Variants in MYBL2 observed in about 807,000 individuals in gnomAD.
The protein encoded by MYBL2 is myb-related protein B.
MYBL2 carries 28 observed loss-of-function variants against 79.9 expected under a neutral mutation model. The ratio of observed to expected loss-of-function variants is 0.35; its 90% CI spans 0.26 to 0.48. MYBL2 has a LOEUF of 0.48. Among genes scored for constraint, MYBL2 ranks in the 20% least tolerant of loss-of-function variants. The pLI is 0.99. For missense variants in MYBL2, 735 were observed against 893.9 expected, an observed-to-expected ratio of 0.82 and a Z score of 2.27; for synonymous variants, 378 against 361.2, an observed-to-expected ratio of 1.05 and a Z score of -0.53.
chr20:43,713,334 A>G (rs546698611), intron 12 of MYBL2, among the ~76,000 whole-genome samples: 48 of 151,166 alleles, frequency 3.2e-4, no homozygotes, highest in Middle Eastern at 3.5e-3. Flanking sequence ...TTTTAAAAAC[A>G]TGCATCTGGG....
At position 43,699,978 on chromosome 20, in the gene MYBL2, G is replaced by A; in HGVS notation, c.885G>A (p.Glu295=). ...ETSLPYKWVV[E]AANLLIPAVG... ...GCCTGCCTTACAAGTGGGTGGTGGA[G>A]GCAGCTAACCTCCTCATCCCTGCTG... is the stretch of plus-strand genomic sequence containing the variant. The change falls in exon 7 of 14, where the codon GAG becomes GAA. Residue 295 remains glutamate (E), a synonymous_variant. Transcript: ENST00000217026. The A allele has an allele frequency of 6.2e-7, 1 of 1,614,164 alleles. No individual in the cohort carries two copies. Among genetic ancestry groups the A allele is most frequent in the Non-Finnish European group, 8.5e-7 (1 of 1,180,036 alleles).
At chr20:43,705,994 C>A (rs1423339665) in intron 9 of MYBL2, among the ~76,000 whole-genome samples, 4 of 152,132 alleles carry the variant, frequency 2.6e-5, no homozygotes, top group Non-Finnish European at 4.4e-5. Context: ...GCCACCACAC[C>A]CGGCTAAAAT....
intron 11 of MYBL2, among the ~76,000 whole-genome samples, chr20:43,712,773 C>G (rs927777933): frequency 5.9e-5 from 9 of 152,152 alleles, no homozygotes; most frequent in Admixed American, 2.6e-4. Flanking sequence ...GTCGCAGCAC[C>G]TGGCAGGATA....
chr20:43,669,080 C>T (rs1355664603), intron 1 of MYBL2, among the ~76,000 whole-genome samples: 1 of 152,188 alleles, frequency 6.6e-6, no homozygotes, highest in Non-Finnish European at 1.5e-5. Flanking sequence ...CTCAGGCAAT[C>T]CGCCTGCCTT....
At chr20:43,691,588 G>GGAGT (rs1238663522) in intron 5 of MYBL2, among the ~76,000 whole-genome samples, 2 of 149,496 alleles carry the variant, frequency 1.3e-5, no homozygotes, top group Non-Finnish European at 3.0e-5. Context: ...TTCCCAGGCT[G>GGAGT]GAGTGCAATG....
intron 8 of MYBL2, among the ~76,000 whole-genome samples, chr20:43,704,956 G>A (rs999878537): frequency 6.6e-5 from 10 of 152,076 alleles, no homozygotes; most frequent in Non-Finnish European, 1.2e-4. Flanking sequence ...TAACTGCGTC[G>A]TCAGCACTCG....
In MYBL2 at chr20:43,687,066, C is replaced by T; in HGVS notation, c.494C>T (p.Pro165Leu). ...NRWAEIAKML[P>L]GRTDNAVKNH... ...TGGGCCGAGATCGCCAAGATGTTGCCAGGGAGGTAAGCTGTCTTCTTGGGG... is the reference window on the plus strand; with the variant it reads ...TGGGCCGAGATCGCCAAGATGTTGCTAGGGAGGTAAGCTGTCTTCTTGGGG... Residue 165 changes from proline (P) to leucine (L), a missense_variant, in exon 5 of 14, where the codon CCA becomes CTA. Transcript: ENST00000217026. The T allele has an allele frequency of 6.2e-7, 1 of 1,612,504 alleles. No individual in the cohort carries two copies. The highest frequency in any genetic ancestry group is 8.5e-7 in the Non-Finnish European group (1 of 1,179,822).
chr20:43,675,666 T>C (rs1418641478), intron 2 of MYBL2, among the ~76,000 whole-genome samples: 1 of 152,080 alleles, frequency 6.6e-6, no homozygotes, highest in African/African-American at 2.4e-5. Flanking sequence ...ACCCTGATTA[T>C]CCCAAGAAGT....
intron 12 of MYBL2, 108 bp from the exon 13 acceptor site, chr20:43,715,026 C>A: frequency 7.6e-7 from 1 of 1,313,828 alleles, no homozygotes; most frequent in South Asian, 1.3e-5. Context: ...TATCCTCTTT[C>A]AGGTCTCAGC....
intron 4 of MYBL2, among the ~76,000 whole-genome samples, chr20:43,685,212 C>T (rs1336677350): frequency 1.3e-5 from 2 of 151,620 alleles, no homozygotes; most frequent in Non-Finnish European, 2.9e-5. Flanking sequence ...TGGAGTTTCG[C>T]TCTTGTTGCC....
rs114722589 is a variant in MYBL2 at position 43,686,349 on chromosome 20, C to T, written c.280-503C>T. 5.7e-3 allele frequency among the ~76,000 whole-genome samples: 865 copies of T among 152,246 alleles called. 9 individuals carry two copies. The highest frequency in any genetic ancestry group is 0.017 in the Middle Eastern group (5 of 294). On this transcript the variant is annotated intron_variant, in intron 4 of 13. Transcript: ENST00000217026. ...GGACTCAGGTCTGGCTAGGTCAGCCCGCGATGCCTGCTACCATGGCTCAGC... is the reference window on the plus strand; with the variant it reads ...GGACTCAGGTCTGGCTAGGTCAGCCTGCGATGCCTGCTACCATGGCTCAGC...
rs1205151863 is a variant in MYBL2, at chr20:43,702,777, G to A, written c.1239G>A (p.Gln413=). The change falls in exon 8 of 14, where the codon CAG becomes CAA. Residue 413 remains glutamine, a synonymous_variant. Coordinates refer to ENST00000217026, the MANE Select transcript of MYBL2 (RefSeq NM_002466.4). ...CACCGCCCTCTGTGCTCAAGCGGCA[G>A]AGGAAGAGGCGTGTGGCTCTGTCCC... The part of the protein sequence containing the change: ...IGTPPSVLKR[Q]RKRRVALSPV... 1 of 1,614,228 alleles carries A rather than the reference G, an allele frequency of 6.2e-7. No homozygotes were observed. The highest frequency in any genetic ancestry group is 2.2e-5 in the East Asian group (1 of 44,884).
rs1268601791 is a variant in MYBL2 at position 43,670,059 on chromosome 20, C to G, written c.20+2756C>G. Among the ~76,000 whole-genome samples the G allele has an allele frequency of 3.3e-5, 5 of 152,210 alleles. No individual in the cohort carries two copies. The East Asian group carries it at 9.6e-4, about 29-fold the overall frequency. On this transcript the variant is annotated intron_variant, in intron 1 of 13. Coordinates refer to ENST00000217026, the MANE Select transcript of MYBL2 (RefSeq NM_002466.4). ...GGCAGAGGTTGCTGTGAGTCGAGAT[C>G]ATGCCACTGCACTTCAGCCTGGGTG...
intron 6 of MYBL2, among the ~76,000 whole-genome samples, chr20:43,693,643 T>C (rs1193970916): frequency 2.6e-5 from 4 of 152,180 alleles, no homozygotes. Context: ...CAGCTACATT[T>C]GCAGTTTTAA....
Position 43,692,260 on chromosome 20 carries a change from TTGC to T in MYBL2, c.610_612del (p.Leu204del), listed in dbSNP as rs1987430703. 1.9e-6 allele frequency: 3 copies of T among 1,614,076 alleles called. No homozygotes were observed. The highest frequency in any genetic ancestry group is 8.5e-7 in the Non-Finnish European group (1 of 1,180,040). On this transcript the variant is annotated inframe_deletion, in exon 6 of 14. Coordinates refer to ENST00000217026, the MANE Select transcript of MYBL2 (RefSeq NM_002466.4). Reference sequence around the variant, plus strand: ...CAAAGACTGCAAGCCCCCAGTGTACTTGCTGCTGGAGCTCGAGGACAAGGACGG... The same window carrying T: ...CAAAGACTGCAAGCCCCCAGTGTACTTGCTGGAGCTCGAGGACAAGGACGG...
chr20:43,708,667 C>A (rs997244634), intron 9 of MYBL2, among the ~76,000 whole-genome samples: 3 of 152,164 alleles, frequency 2.0e-5, no homozygotes, highest in African/African-American at 7.2e-5. Flanking sequence ...TCAAGTGATC[C>A]TCTCCTGTCA....
chr20:43,692,558 C>T (rs1987439215), intron 6 of MYBL2, among the ~76,000 whole-genome samples: 1 of 152,190 alleles, frequency 6.6e-6, no homozygotes, highest in South Asian at 2.1e-4. Context: ...GATCCTCAGC[C>T]TCCATCTCTC....
At chr20:43,698,866 CTTG>C (rs1370755282) in intron 6 of MYBL2, among the ~76,000 whole-genome samples, 17 of 106,452 alleles carry the variant, frequency 1.6e-4, no homozygotes, top group Admixed American at 1.0e-3. Flanking sequence ...TTATTAGAGT[CTTG>C]TTGTGTTGCC....
intron 2 of MYBL2, among the ~76,000 whole-genome samples, chr20:43,678,852 C>T (rs1157429036): frequency 2.5e-5 from 3 of 117,752 alleles, no homozygotes; most frequent in African/African-American, 1.1e-4. Context: ...AGCAAAACTC[C>T]GTCTCAAAAA....
Sources: gnomAD v4.1 joint callset for allele counts (sites outside exome capture counted in the v4.1 genomes callset) on GRCh38, gnomAD v4.1.1 for gene constraint, MANE v1.5 for transcripts, NCBI Gene and HGNC (gene_info 2026-07-23, HGNC 2026-07-21) for gene names.